Variants in DNAI4 observed in about 807,000 individuals in gnomAD.
DNAI4 encodes dynein axonemal intermediate chain 4, also known as WD repeat domain 78.
Under a neutral mutation model 105.8 loss-of-function variants are expected in DNAI4, and 85 were observed. That is an observed-to-expected ratio of 0.80 (90% CI 0.67 to 0.96). DNAI4 has a LOEUF of 0.96. DNAI4 is among the 40% of genes least tolerant of loss of function. The pLI is 0.00. For synonymous variants in DNAI4, 352 were observed against 331.5 expected (o/e 1.06, Z -0.67); for missense variants, 1,014 against 1,005.6 (o/e 1.01, Z -0.11).
intron 1 of DNAI4, among the ~76,000 whole-genome samples, chr1:66,905,774 TA>T (rs1170667127): frequency 6.6e-6 from 1 of 152,184 alleles, no homozygotes; most frequent in African/African-American, 2.4e-5. Context: ...GAGGATTAAA[TA>T]AATTAATTTT....
At chr1:66,898,113 T>G (rs1648495292) in intron 2 of DNAI4, among the ~76,000 whole-genome samples, 1 of 152,190 alleles carries the variant, frequency 6.6e-6, no homozygotes, top group South Asian at 2.1e-4. Flanking sequence ...GCTTTAAAGT[T>G]TAATGTTTGC....
At chr1:66,919,881 T>G (rs1650336442) in intron 1 of DNAI4, among the ~76,000 whole-genome samples, 1 of 152,158 alleles carries the variant, frequency 6.6e-6, no homozygotes, top group Admixed American at 6.5e-5. Context: ...AAGGGCCCAT[T>G]AAAACACTAA....
At chr1:66,905,809 G>A (rs1394298676) in intron 1 of DNAI4, among the ~76,000 whole-genome samples, 1 of 152,060 alleles carries the variant, frequency 6.6e-6, no homozygotes, top group African/African-American at 2.4e-5. Context: ...GTAAGTCCCT[G>A]GCACATAGTA....
At position 66,834,154 on chromosome 1, in the gene DNAI4, A is replaced by G. The variant is rs1645930395; in HGVS notation, c.1734-6T>C. The G allele has an allele frequency of 6.3e-7, 1 of 1,590,458 alleles. No individual in the cohort carries two copies. The highest frequency in any genetic ancestry group is 8.5e-7 in the Non-Finnish European group (1 of 1,172,086). ...AATGTTTTTGAGGTGATTCACTAAA[A>G]CAGTAAAAAAAATACTAAACATATA... On this transcript the variant is annotated splice_polypyrimidine_tract_variant and splice_region_variant and intron_variant, in intron 11 of 16. Transcript: ENST00000371026.
chr1:66,827,442 A>C (rs1046597277), intron 14 of DNAI4, among the ~76,000 whole-genome samples: 1 of 152,130 alleles, frequency 6.6e-6, no homozygotes, highest in African/African-American at 2.4e-5. Context: ...AGTGGAAGAT[A>C]AAGTGGAAGT....
chr1:66,823,813 T>C (rs1645687487), intron 15 of DNAI4, among the ~76,000 whole-genome samples: 1 of 150,930 alleles, frequency 6.6e-6, no homozygotes, highest in Non-Finnish European at 1.5e-5. Context: ...ATATTAGCCC[T>C]TTGTCAGATG....
chr1:66,853,991 C>G (rs1646448557), intron 7 of DNAI4, among the ~76,000 whole-genome samples: 2 of 152,158 alleles, frequency 1.3e-5, no homozygotes, highest in Non-Finnish European at 2.9e-5. Flanking sequence ...CAAAAATACT[C>G]TTAGAACTGA....
chr1:66,847,502 G>A lies in DNAI4; in HGVS notation c.1273C>T (p.Gln425Ter). ...IFQPKLAAYR[Q>*]LPVLKEPEPE... ...TAAATACCTTTTAAAACAGGAAGCT[G>A]ACGATAAGCTGCAAGTTTGGGCTGA... Residue 425 changes from glutamine (Q) to a stop codon, truncating the protein, a stop_gained, in exon 8 of 17, where the codon CAG becomes TAG. Transcript: ENST00000371026. LOFTEE classifies it high-confidence loss of function. 1 of 1,613,080 alleles carries A rather than the reference G, an allele frequency of 6.2e-7. No homozygotes were observed.
intron 5 of DNAI4, among the ~76,000 whole-genome samples, chr1:66,872,826 C>T (rs1646876173): frequency 6.6e-6 from 1 of 152,026 alleles, no homozygotes; most frequent in African/African-American, 2.4e-5. Flanking sequence ...AATTCTCGTG[C>T]CTCAGCCTCC....
intron 7 of DNAI4, among the ~76,000 whole-genome samples, chr1:66,859,137 AAAAC>A (rs1385696057): frequency 8.5e-5 from 13 of 152,186 alleles, no homozygotes; most frequent in African/African-American, 3.1e-4. Flanking sequence ...ACTCAATAAG[AAAAC>A]AAACAGCCAA....
intron 7 of DNAI4, among the ~76,000 whole-genome samples, chr1:66,858,868 C>T (rs1295571075): frequency 6.6e-6 from 1 of 152,034 alleles, no homozygotes. Context: ...TGGTGAGAAA[C>T]TGAAAACTTT....
chr1:66,815,674 A>T (rs1645500666), intron 16 of DNAI4, among the ~76,000 whole-genome samples: 1 of 152,130 alleles, frequency 6.6e-6, no homozygotes, highest in South Asian at 2.1e-4. Context: ...ATTGAAACTG[A>T]CTTCTCCCAA....
At chr1:66,896,548 G>T (rs950662520) in intron 2 of DNAI4, among the ~76,000 whole-genome samples, 1 of 152,154 alleles carries the variant, frequency 6.6e-6, no homozygotes, top group African/African-American at 2.4e-5. Context: ...ACTTTGGAAG[G>T]TGACTGTGTA....
At chr1:66,843,341 AGG>A (rs1385964083) in intron 8 of DNAI4, among the ~76,000 whole-genome samples, 2 of 151,700 alleles carry the variant, frequency 1.3e-5, no homozygotes, top group African/African-American at 2.4e-5. Context: ...TTCTTCAGTG[AGG>A]TATCTCTTCA....
At chr1:66,900,147 G>A (rs1458379654) in intron 2 of DNAI4, among the ~76,000 whole-genome samples, 1 of 152,030 alleles carries the variant, frequency 6.6e-6, no homozygotes, top group Non-Finnish European at 1.5e-5. Flanking sequence ...TTGGCTTATG[G>A]CAACTTCTGC....
chr1:66,893,074 AAAG>A (rs1647937669), intron 3 of DNAI4, among the ~76,000 whole-genome samples, 152 bp downstream of exon 3: 1 of 144,494 alleles, frequency 6.9e-6, no homozygotes, highest in Non-Finnish European at 1.5e-5. Context: ...AGAAAGAAAG[AAAG>A]AAAGAAAGAA....
rs1313786855 is a variant in DNAI4 at position 66,822,360 on chromosome 1, C to T, written c.2496+1G>A. ...CAAATTTTTTTACTCTTGAGTCTTA[C>T]CCGGCCAGTTTCCAAAACAGTAGGC... On this transcript the variant is annotated splice_donor_variant, in intron 16 of 16. Coordinates refer to ENST00000371026, the MANE Select transcript of DNAI4 (RefSeq NM_024763.5). LOFTEE classifies it high-confidence loss of function. 3 of 1,599,574 alleles carry T rather than the reference C, an allele frequency of 1.9e-6. No homozygotes were observed. Among genetic ancestry groups the T allele is most frequent in the African/African-American group, 1.3e-5 (1 of 74,298 alleles).
At position 66,835,699 on chromosome 1, in the gene DNAI4, C is replaced by T. The variant is rs375562160; in HGVS notation, c.1660G>A (p.Val554Ile). The change falls in exon 11 of 17, where the codon GTT (valine) becomes ATT (isoleucine). Residue 554 changes from valine (V) to isoleucine (I), a missense_variant. Transcript: ENST00000371026. The stretch of plus-strand genomic sequence containing the variant: ...GCAATTGTGCCATTGTGATAGCCAA[C>T]GGCTAAAAGGTTAGGTGCTCCAATT... ...FSIGAPNLLA[V>I]GYHNGTIAIY... 4.6e-5 allele frequency: 75 copies of T among 1,613,614 alleles called. No individual in the cohort carries two copies. Among genetic ancestry groups the T allele is most frequent in the East Asian group, 3.3e-4 (15 of 44,876 alleles).
chr1:66,905,794 GGTTA>G (rs1368159578), intron 1 of DNAI4, among the ~76,000 whole-genome samples: 3 of 152,186 alleles, frequency 2.0e-5, no homozygotes, highest in South Asian at 4.1e-4. Context: ...TTTGTATTAT[GGTTA>G]GTAAGTCCCT....
Sources: gnomAD v4.1 joint callset for allele counts (sites outside exome capture counted in the v4.1 genomes callset) on GRCh38, gnomAD v4.1.1 for gene constraint, MANE v1.5 for transcripts, NCBI Gene and HGNC (gene_info 2026-07-23, HGNC 2026-07-21) for gene names.